The following TET2 variants were observed in gnomAD, a reference collection of about 807,000 sequenced individuals.
TET2 encodes methylcytosine dioxygenase TET2.
A neutral mutation model predicts 142.9 loss-of-function variants in TET2; 299 were observed. That is an observed-to-expected ratio of 2.09 (90% CI 1.90 to 2.30). The LOEUF is 2.30. Ranked by LOEUF, TET2 falls within the 30% of genes most tolerant of loss-of-function variation. The probability of loss-of-function intolerance (pLI) is 0.00; values close to 1 mark genes in which losing one functional copy is unlikely to be tolerated. For missense variants in TET2, 2,418 were observed against 2,378.0 expected (o/e 1.02, Z -0.35); for synonymous variants, 819 against 849.0 (o/e 0.96, Z 0.61).
intron 10 of TET2, among the ~76,000 whole-genome samples, chr4:105,274,670 A>G (rs1310013257): frequency 6.6e-6 from 1 of 152,174 alleles, no homozygotes; most frequent in African/African-American, 2.4e-5. Flanking sequence ...TTACAAAAGC[A>G]CTAGAAGATG....
In TET2 at chr4:105,264,902, T is replaced by C. The variant is rs560554574; in HGVS notation, c.4044+3054T>C. ...CTCACATCTGAATATTCTTCCTTGC[T>C]TTATTCCTTGATTTCATGAAGTCTT... On this transcript the variant is annotated intron_variant, in intron 8 of 10. Coordinates refer to ENST00000380013, the MANE Select transcript of TET2 (RefSeq NM_001127208.3). 6.2e-4 allele frequency among the ~76,000 whole-genome samples: 94 copies of C among 152,350 alleles called. 1 individual carries two copies. The South Asian group carries it at 0.019, about 30-fold the overall frequency.
chr4:105,261,688 A>G, intron 7 of TET2, 71 bp from the exon 8 acceptor site: 1 of 900,016 alleles, frequency 1.1e-6, no homozygotes, highest in East Asian at 2.7e-5. Flanking sequence ...GGAATAATCT[A>G]ACTGATAGTC....
rs1359281257 is a variant in TET2, at chr4:105,236,779, C to T, written c.2837C>T (p.Thr946Ile). The T allele has an allele frequency of 1.2e-6, 2 of 1,614,008 alleles. No homozygotes were observed. Among genetic ancestry groups the T allele is most frequent in the Admixed American group, 1.7e-5 (1 of 59,988 alleles). The change falls in exon 3 of 11, where the codon ACT becomes ATT. Residue 946 changes from threonine (T) to isoleucine (I), a missense_variant. Coordinates refer to ENST00000380013, the MANE Select transcript of TET2 (RefSeq NM_001127208.3). ...SHTQTPPQKDTQKHAALRWHL... is the reference protein window; with the variant it reads ...SHTQTPPQKDIQKHAALRWHL... ...ACTCAGACCCCTCCCCAGAAGGACA[C>T]TCAAAAGCATGCTGCTCTAAGGTGG...
intron 2 of TET2, among the ~76,000 whole-genome samples, chr4:105,203,778 T>C (rs1289561668): frequency 1.3e-5 from 2 of 152,210 alleles, no homozygotes; most frequent in Non-Finnish European, 2.9e-5. Context: ...GGGAAATATT[T>C]AAATAATTTT....
At chr4:105,187,663 A>G (rs1365399595) in intron 1 of TET2, among the ~76,000 whole-genome samples, 1 of 152,174 alleles carries the variant, frequency 6.6e-6, no homozygotes, top group African/African-American at 2.4e-5. Context: ...ACTAAATGCC[A>G]TTCATTTCTT....
intron 2 of TET2, among the ~76,000 whole-genome samples, chr4:105,197,585 ATAC>A (rs1490952738): frequency 2.6e-5 from 4 of 152,190 alleles, no homozygotes; most frequent in Admixed American, 2.6e-4. Flanking sequence ...GGAAAAACTA[ATAC>A]TGTAGATCTC....
At chr4:105,249,464 A>G (rs1397392276) in intron 6 of TET2, among the ~76,000 whole-genome samples, 3 of 152,230 alleles carry the variant, frequency 2.0e-5, no homozygotes, top group Non-Finnish European at 4.4e-5. Flanking sequence ...ATATACACCT[A>G]GGAGTGACAT....
intron 5 of TET2, 99 bp downstream of exon 5, chr4:105,243,026 C>T: frequency 2.1e-6 from 2 of 937,400 alleles, no homozygotes; most frequent in Non-Finnish European, 3.3e-6. Context: ...AAGACTCATG[C>T]CAGTTAAAAA....
At chr4:105,148,725 T>TA (rs1723157243) in intron 1 of TET2, among the ~76,000 whole-genome samples, 1 of 152,196 alleles carries the variant, frequency 6.6e-6, no homozygotes, top group Admixed American at 6.5e-5. Flanking sequence ...TTAAACACAA[T>TA]AAATATTGAT....
intron 3 of TET2, chr4:105,240,808 G>T: frequency 9.3e-7 from 1 of 1,079,592 alleles, no homozygotes; most frequent in Non-Finnish European, 1.1e-6. Flanking sequence ...ACTAATATGG[G>T]TCTGGATTGA....
At chr4:105,239,284 G>T (rs1578684545) in intron 3 of TET2, 1 of 240,596 alleles carries the variant, frequency 4.2e-6, no homozygotes, top group Non-Finnish European at 8.8e-6. Flanking sequence ...AACTGCATTA[G>T]CCTGTAACAA....
At chr4:105,238,483 T>C (rs1729088254) in intron 3 of TET2, 1 of 250,176 alleles carries the variant, frequency 4.0e-6, no homozygotes, top group African/African-American at 2.2e-5. Context: ...TAAGTTTTTG[T>C]AATTTTCTGA....
intron 3 of TET2, 62 bp from the exon 4 acceptor site, chr4:105,241,277 A>G (rs1200875850): frequency 8.1e-6 from 12 of 1,482,838 alleles, no homozygotes; most frequent in Admixed American, 2.6e-5. Context: ...AGCTTTGTGG[A>G]TGTAGCCTTT....
At position 105,249,357 on chromosome 4, in the gene TET2, C is replaced by T. The variant is rs79109654; in HGVS notation, c.3803+5579C>T. On this transcript the variant is annotated intron_variant, in intron 6 of 10. Coordinates refer to ENST00000380013, the MANE Select transcript of TET2 (RefSeq NM_001127208.3). The stretch of plus-strand genomic sequence containing the variant: ...CTTTTTCCATTTATTAGTTAATTGA[C>T]ATTTGGATCGTTTCTACTTTTTGGC... Among the ~76,000 whole-genome samples, 324 of 152,250 alleles carry T rather than the reference C, an allele frequency of 2.1e-3. 12 individuals carry two copies. The East Asian group carries it at 0.054, about 25-fold the overall frequency.
At chr4:105,179,450 A>T (rs529103375) in intron 1 of TET2, among the ~76,000 whole-genome samples, 34 of 152,314 alleles carry the variant, frequency 2.2e-4, no homozygotes, top group African/African-American at 8.2e-4. Context: ...ATTCAATGCC[A>T]ATGATACTGC....
Position 105,276,113 on chromosome 4 carries a change from A to G in TET2, c.5603A>G (p.His1868Arg), listed in dbSNP as rs1270526409. ...GGGGGAGTGGCCGTGGCTCCAACTC[A>G]TGGGTCAATTCTCATTGAGTGTGCA... ...DIGGVAVAPT[H>R]GSILIECAKR... The change falls in exon 11 of 11, where the codon CAT (histidine) becomes CGT (arginine). Residue 1868 changes from histidine to arginine, a missense_variant. Physicochemically the swap from His to Arg is conservative, Grantham distance 29. Coordinates refer to ENST00000380013, the MANE Select transcript of TET2 (RefSeq NM_001127208.3). The G allele has an allele frequency of 6.4e-7, 1 of 1,551,632 alleles. No homozygotes were observed. The highest frequency in any genetic ancestry group is 8.7e-7 in the Non-Finnish European group (1 of 1,146,970).
At chr4:105,146,276 C>CGT (rs1387390416), upstream of TET2, 1 of 152,422 alleles carries the variant, frequency 6.6e-6, no homozygotes, top group Non-Finnish European at 1.5e-5. Context: ...TTAGATGTCA[C>CGT]GTCTTTGTCC....
At chr4:105,166,055 A>G (rs768928290) in intron 1 of TET2, among the ~76,000 whole-genome samples, 1 of 152,078 alleles carries the variant, frequency 6.6e-6, no homozygotes, top group Non-Finnish European at 1.5e-5. Flanking sequence ...TCTGGTTTGC[A>G]TCTATAGTTA....
intron 2 of TET2, among the ~76,000 whole-genome samples, chr4:105,208,419 T>G (rs893660983): frequency 2.0e-5 from 3 of 152,144 alleles, no homozygotes; most frequent in Admixed American, 6.5e-5. Flanking sequence ...GAATTACATT[T>G]TGAGTTATCT....
Sources: gnomAD v4.1 joint callset for allele counts (sites outside exome capture counted in the v4.1 genomes callset) on GRCh38, gnomAD v4.1.1 for gene constraint, MANE v1.5 for transcripts, NCBI Gene and HGNC (gene_info 2026-07-23, HGNC 2026-07-21) for gene names.